Variants in SPATA6 observed in about 807,000 individuals in gnomAD.
SPATA6 encodes spermatogenesis associated 6, also known as spermatogenesis-associated protein 6.
A neutral mutation model predicts 65.3 loss-of-function variants in SPATA6; 56 were observed. The observed-to-expected ratio is 0.86, with a 90% CI of 0.69 to 1.07. The LOEUF (loss-of-function observed/expected upper bound fraction) is 1.07, where lower values mean the gene tolerates loss of function less well. Among genes scored for constraint, SPATA6 ranks in the 50% least tolerant of loss-of-function variants. SPATA6 has a pLI of 0.00. For missense variants in SPATA6, 590 were observed against 594.8 expected (o/e 0.99, Z 0.08); for synonymous variants, 199 against 213.2 (o/e 0.93, Z 0.58).
chr1:48,343,393 T>C (rs566225539), intron 11 of SPATA6, among the ~76,000 whole-genome samples: 38 of 152,198 alleles, frequency 2.5e-4, no homozygotes, highest in Non-Finnish European at 4.7e-4. Context: ...CAAAATATTA[T>C]GAACACTAGA....
chr1:48,347,756 C>T (rs1438003607), intron 11 of SPATA6, among the ~76,000 whole-genome samples: 1 of 151,690 alleles, frequency 6.6e-6, no homozygotes, highest in East Asian at 1.9e-4. Flanking sequence ...ACCTAAAGAA[C>T]TTTTAAGTAT....
At chr1:48,301,236 A>G (rs1644930405) in intron 12 of SPATA6, among the ~76,000 whole-genome samples, 1 of 152,084 alleles carries the variant, frequency 6.6e-6, no homozygotes, top group African/African-American at 2.4e-5. Flanking sequence ...CTATATTCCA[A>G]CAGTAAACAA....
At chr1:48,313,414 T>G (rs954407813) in intron 11 of SPATA6, among the ~76,000 whole-genome samples, 1 of 152,182 alleles carries the variant, frequency 6.6e-6, no homozygotes, top group African/African-American at 2.4e-5. Context: ...AAAAGAATTT[T>G]CAACCCAGAA....
At chr1:48,411,286 T>C (rs1404117115) in intron 5 of SPATA6, among the ~76,000 whole-genome samples, 178 bp downstream of exon 5, 4 of 152,264 alleles carry the variant, frequency 2.6e-5, no homozygotes, top group Admixed American at 2.6e-4. Flanking sequence ...TAAATATCTT[T>C]ATATGTTTAA....
the SPATA6 span, among the ~76,000 whole-genome samples, chr1:48,281,715 C>A: frequency 3.3e-5 from 5 of 152,074 alleles, no homozygotes; most frequent in East Asian, 1.9e-4. Context: ...ACATTCCATG[C>A]TCATGGGTAG....
At chr1:48,459,697 G>A (rs1657274947) in intron 1 of SPATA6, among the ~76,000 whole-genome samples, 1 of 151,996 alleles carries the variant, frequency 6.6e-6, no homozygotes, top group African/African-American at 2.4e-5. Flanking sequence ...CATGATAGAT[G>A]ATACTGTGAG....
intron 3 of SPATA6, among the ~76,000 whole-genome samples, chr1:48,416,699 T>G (rs1204132404): frequency 1.3e-5 from 2 of 152,084 alleles, no homozygotes; most frequent in African/African-American, 4.8e-5. Flanking sequence ...TACTAAAACC[T>G]GACAAGGACC....
At chr1:48,422,819 C>T (rs527546040) in intron 3 of SPATA6, among the ~76,000 whole-genome samples, 21 of 152,262 alleles carry the variant, frequency 1.4e-4, no homozygotes, top group African/African-American at 3.4e-4. Context: ...AACAGGCATA[C>T]GTCTACCCTA....
Position 48,399,490 on chromosome 1 carries a change from T to G in SPATA6, c.641A>C (p.Lys214Thr). 6.2e-7 allele frequency: 1 copy of G among 1,613,300 alleles called. No homozygotes were observed. The highest frequency in any genetic ancestry group is 8.5e-7 in the Non-Finnish European group (1 of 1,179,492). The change falls in exon 7 of 13, where the codon AAA (lysine) becomes ACA (threonine). Residue 214 changes from lysine to threonine, a missense_variant. Physicochemically the swap from Lys to Thr is moderately conservative, Grantham distance 78. Transcript: ENST00000371847. The stretch of plus-strand genomic sequence containing the variant: ...TGTGTAGGGAGATGGAGAGTGTGAT[T>G]TTGAAGAAATTGTAGGCTGTTCGTA... ...KNYEQPTISS[K>T]SHSPSPYTKR...
intron 11 of SPATA6, among the ~76,000 whole-genome samples, chr1:48,319,761 A>C (rs1381007587): frequency 6.6e-6 from 1 of 152,106 alleles, no homozygotes; most frequent in Non-Finnish European, 1.5e-5. Context: ...AGCCACCTGG[A>C]GATTGTGTAC....
chr1:48,331,400 GAA>G (rs372155734), intron 11 of SPATA6, among the ~76,000 whole-genome samples: 10 of 137,484 alleles, frequency 7.3e-5, no homozygotes, highest in African/African-American at 1.6e-4. Context: ...ACAGCAAAAA[GAA>G]AAAAAAAAAA....
intron 1 of SPATA6, among the ~76,000 whole-genome samples, chr1:48,470,407 G>A (rs996662153): frequency 5.3e-5 from 8 of 152,160 alleles, no homozygotes; most frequent in African/African-American, 1.9e-4. Context: ...CCAAGGGATC[G>A]AGAAAGTTTC....
At chr1:48,366,852 T>C (rs1647034752) in intron 9 of SPATA6, among the ~76,000 whole-genome samples, 1 of 152,222 alleles carries the variant, frequency 6.6e-6, no homozygotes, top group African/African-American at 2.4e-5. Flanking sequence ...TGAATGTGTT[T>C]GCTCTTGCTT....
intron 9 of SPATA6, among the ~76,000 whole-genome samples, chr1:48,360,491 T>C (rs1243673734): frequency 6.6e-6 from 1 of 151,998 alleles, no homozygotes; most frequent in Non-Finnish European, 1.5e-5. Context: ...TCACGAAGAT[T>C]ATCTGTGGAA....
chr1:48,276,403 C>T, the SPATA6 span, among the ~76,000 whole-genome samples: 1 of 152,076 alleles, frequency 6.6e-6, no homozygotes, highest in Admixed American at 6.6e-5. Context: ...TCTTGGTTCT[C>T]TAGTTCTTTT....
chr1:48,428,510 T>C (rs1654054988), intron 3 of SPATA6, among the ~76,000 whole-genome samples: 1 of 144,712 alleles, frequency 6.9e-6, no homozygotes. Flanking sequence ...TGCACATATA[T>C]TATATTAAGA....
chr1:48,265,481 T>C, the SPATA6 span, among the ~76,000 whole-genome samples: 1 of 151,960 alleles, frequency 6.6e-6, no homozygotes, highest in Non-Finnish European at 1.5e-5. Context: ...CCAAGCATTA[T>C]GTTTCTTGGA....
intron 4 of SPATA6, 96 bp from the exon 5 acceptor site, chr1:48,411,684 T>C: frequency 3.8e-6 from 4 of 1,048,668 alleles, no homozygotes; most frequent in Non-Finnish European, 5.0e-6. Flanking sequence ...TGATGCCTTA[T>C]TGAAATACCT....
intron 11 of SPATA6, among the ~76,000 whole-genome samples, chr1:48,310,380 T>C (rs1190845248): frequency 6.6e-6 from 1 of 152,178 alleles, no homozygotes; most frequent in African/African-American, 2.4e-5. Context: ...GATTGTGACA[T>C]GTTGGTTATC....
Sources: gnomAD v4.1 joint callset for allele counts (sites outside exome capture counted in the v4.1 genomes callset) on GRCh38, gnomAD v4.1.1 for gene constraint, MANE v1.5 for transcripts, NCBI Gene and HGNC (gene_info 2026-07-23, HGNC 2026-07-21) for gene names.